The following RAD51B variants were observed in gnomAD, a reference collection of about 807,000 sequenced individuals.
RAD51B encodes RAD51 paralog B.
Under a neutral mutation model 42.2 loss-of-function variants are expected in RAD51B, and 38 were observed. The ratio of observed to expected loss-of-function variants is 0.90; its 90% CI spans 0.70 to 1.18. RAD51B has a LOEUF of 1.18. Ranked by LOEUF, RAD51B falls within the 50% of genes most tolerant of loss-of-function variation. The pLI, the probability that RAD51B is intolerant of heterozygous loss-of-function variation, is 0.00. For missense variants in RAD51B, 373 were observed against 400.7 expected (o/e 0.93, Z 0.59); for synonymous variants, 154 against 145.2 (o/e 1.06, Z -0.43).
chr14:68,304,707 A>G (rs1340988744), intron 8 of RAD51B, among the ~76,000 whole-genome samples: 1 of 152,222 alleles, frequency 6.6e-6, no homozygotes, highest in East Asian at 1.9e-4. Flanking sequence ...TATTTTGAGC[A>G]AGGCACTTAA....
At chr14:68,350,321 G>A (rs1279349382) in intron 8 of RAD51B, among the ~76,000 whole-genome samples, 2 of 152,182 alleles carry the variant, frequency 1.3e-5, no homozygotes, top group Non-Finnish European at 2.9e-5. Context: ...GCAAGCAAGG[G>A]CCTTTTAATT....
intron 7 of RAD51B, among the ~76,000 whole-genome samples, chr14:68,264,058 G>T (rs1220236778): frequency 6.6e-6 from 1 of 152,178 alleles, no homozygotes; most frequent in African/African-American, 2.4e-5. Context: ...CTCTTGAGAT[G>T]GCTCTGTAAA....
chr14:68,518,587 T>A (rs1449883388), intron 10 of RAD51B, among the ~76,000 whole-genome samples: 1 of 109,594 alleles, frequency 9.1e-6, no homozygotes, highest in Non-Finnish European at 1.9e-5. Context: ...TCCACTTTCA[T>A]CCCCTCAGGT....
intron 11 of RAD51B, among the ~76,000 whole-genome samples, chr14:68,667,382 C>T (rs1421757573): frequency 6.6e-6 from 1 of 152,266 alleles, no homozygotes; most frequent in Non-Finnish European, 1.5e-5. Flanking sequence ...ATGAAGTCCA[C>T]ACCTATTTTG....
intron 7 of RAD51B, among the ~76,000 whole-genome samples, chr14:68,046,815 A>G (rs531240514): frequency 6.6e-6 from 1 of 152,322 alleles, no homozygotes; most frequent in South Asian, 2.1e-4. Context: ...TATAAATCAG[A>G]TAAAATTATA....
At chr14:68,328,541 A>G (rs928235766) in intron 8 of RAD51B, among the ~76,000 whole-genome samples, 1 of 151,992 alleles carries the variant, frequency 6.6e-6, no homozygotes, top group Non-Finnish European at 1.5e-5. Flanking sequence ...GAATAGAAGA[A>G]CCCTGTGTTC....
At chr14:68,231,598 T>C (rs909653247) in intron 7 of RAD51B, among the ~76,000 whole-genome samples, 1 of 152,198 alleles carries the variant, frequency 6.6e-6, no homozygotes, top group African/African-American at 2.4e-5. Flanking sequence ...GCAGCTGTCA[T>C]TGCTCAACAA....
intron 5 of RAD51B, among the ~76,000 whole-genome samples, chr14:67,868,267 A>G (rs941341087): frequency 3.3e-5 from 5 of 152,322 alleles, no homozygotes; most frequent in Middle Eastern, 3.4e-3. Context: ...GCATTGCCTC[A>G]CTCGGGAAGC....
intron 10 of RAD51B, among the ~76,000 whole-genome samples, chr14:68,645,712 T>C (rs374015013): frequency 6.6e-6 from 1 of 152,322 alleles, no homozygotes; most frequent in South Asian, 2.1e-4. Flanking sequence ...GTAAGATGCT[T>C]GCTTGGTTTT....
chr14:68,515,987 A>T (rs1264168083), intron 10 of RAD51B, among the ~76,000 whole-genome samples: 1 of 151,682 alleles, frequency 6.6e-6, no homozygotes, highest in African/African-American at 2.4e-5. Context: ...GGGTTTCACC[A>T]TGTTAGCCAG....
intron 11 of RAD51B, among the ~76,000 whole-genome samples, chr14:68,665,979 A>G (rs1893026188): frequency 6.6e-6 from 1 of 152,212 alleles, no homozygotes; most frequent in African/African-American, 2.4e-5. Context: ...ATCAGAGCCA[A>G]TGAGATACCT....
At position 68,659,463 on chromosome 14, in the gene RAD51B, G is replaced by T. The variant is rs535350549; in HGVS notation, c.*11+8607G>T. 2.0e-4 allele frequency among the ~76,000 whole-genome samples: 30 copies of T among 152,306 alleles called. No individual in the cohort carries two copies. In the South Asian group the frequency reaches 6.0e-3, roughly 30 times the overall value. On this transcript the variant is annotated intron_variant, in intron 11 of 11. Coordinates refer to the RAD51B transcript ENST00000488612. ...TATAAACAAGAAGCAAAGAATGTTGGGGAGGAGAAGAGGGCGGGAGGCGGG... is the reference window on the plus strand; with the variant it reads ...TATAAACAAGAAGCAAAGAATGTTGTGGAGGAGAAGAGGGCGGGAGGCGGG...
intron 7 of RAD51B, among the ~76,000 whole-genome samples, chr14:68,255,085 TTTTC>T (rs1409418943): frequency 6.6e-6 from 1 of 152,200 alleles, no homozygotes; most frequent in Non-Finnish European, 1.5e-5. Context: ...GCTCCCTTTT[TTTTC>T]TTTCTTTCTC....
chr14:67,880,564 C>G (rs1256897557), intron 5 of RAD51B, among the ~76,000 whole-genome samples: 2 of 152,114 alleles, frequency 1.3e-5, no homozygotes, highest in Non-Finnish European at 2.9e-5. Context: ...GTTTGACAAC[C>G]CCTGCTTTAT....
intron 7 of RAD51B, among the ~76,000 whole-genome samples, chr14:68,035,700 A>G (rs2076110391): frequency 6.6e-6 from 1 of 152,356 alleles, no homozygotes; most frequent in South Asian, 2.1e-4. Flanking sequence ...CTTGGCAGTT[A>G]TATTGATGAT....
At chr14:68,120,284 A>T (rs1301232438) in intron 7 of RAD51B, among the ~76,000 whole-genome samples, 1 of 151,970 alleles carries the variant, frequency 6.6e-6, no homozygotes, top group Non-Finnish European at 1.5e-5. Context: ...GTTCACTCTG[A>T]TGGTAGTTTC....
intron 4 of RAD51B, among the ~76,000 whole-genome samples, chr14:67,839,725 T>G (rs1311805618): frequency 6.6e-6 from 1 of 152,020 alleles, no homozygotes; most frequent in African/African-American, 2.4e-5. Flanking sequence ...TTAATTTTTT[T>G]GTGGGGTTAT....
chr14:68,337,072 T>C (rs1355610244), intron 8 of RAD51B, among the ~76,000 whole-genome samples: 1 of 152,236 alleles, frequency 6.6e-6, no homozygotes, highest in Admixed American at 6.5e-5. Flanking sequence ...ACTAATTTAT[T>C]CCATAATTTG....
chr14:68,269,424 G>C (rs929838336), intron 7 of RAD51B, among the ~76,000 whole-genome samples: 1 of 152,130 alleles, frequency 6.6e-6, no homozygotes, highest in Non-Finnish European at 1.5e-5. Context: ...CCAGGGCATC[G>C]TAAGCATCTT....
Sources: gnomAD v4.1 joint callset for allele counts (sites outside exome capture counted in the v4.1 genomes callset) on GRCh38, gnomAD v4.1.1 for gene constraint, MANE v1.5 for transcripts, NCBI Gene and HGNC (gene_info 2026-07-23, HGNC 2026-07-21) for gene names.